BRCA1: variants seen among roughly 807,000 people sequenced by gnomAD.
The protein encoded by BRCA1 is BRCA1 DNA repair associated, also known as breast cancer type 1 susceptibility protein.
A neutral mutation model predicts 173.7 loss-of-function variants in BRCA1; 140 were observed. That is an observed-to-expected ratio of 0.81 (90% CI 0.70 to 0.93). BRCA1 has a LOEUF of 0.93. BRCA1 is among the 40% of genes least tolerant of loss of function. The pLI, the probability that BRCA1 is intolerant of heterozygous loss-of-function variation, is 0.00. For synonymous variants in BRCA1, 662 were observed against 756.0 expected (o/e 0.88, Z 2.04); for missense variants, 1,983 against 2,172.5 (o/e 0.91, Z 1.73).
intron 1 of BRCA1, among the ~76,000 whole-genome samples, chr17:43,135,529 G>T (rs557744855): frequency 3.3e-4 from 50 of 152,310 alleles, no homozygotes; most frequent in Non-Finnish European, 6.8e-4. Context: ...AGAAGTCCAG[G>T]CCTAGTGTAG....
chr17:43,169,987 G>C, intron 1 of BRCA1: 2 of 468,786 alleles, frequency 4.3e-6, no homozygotes, highest in Non-Finnish European at 8.6e-6. Flanking sequence ...GCTTTAATAA[G>C]GGCATTGATC....
At chr17:43,114,530 T>C (rs922711415) in intron 3 of BRCA1, among the ~76,000 whole-genome samples, 5 of 152,020 alleles carry the variant, frequency 3.3e-5, no homozygotes, top group African/African-American at 1.2e-4. Flanking sequence ...AATTTAAATA[T>C]AATTCTAGGA....
At chr17:43,132,190 C>G (rs1429513647) in intron 1 of BRCA1, among the ~76,000 whole-genome samples, 1 of 152,182 alleles carries the variant, frequency 6.6e-6, no homozygotes, top group Non-Finnish European at 1.5e-5. Context: ...GTCACACACT[C>G]TGGGCTCTCT....
intron 13 of BRCA1, among the ~76,000 whole-genome samples, chr17:43,074,939 GAAAGGAAAGA>G (rs2052642146): frequency 6.9e-6 from 1 of 145,750 alleles, no homozygotes; most frequent in South Asian, 2.2e-4. Context: ...GGAAAGGAAA[GAAAGGAAAGA>G]AAAGGAAAGG....
chr17:43,146,059 T>C (rs536560678), intron 1 of BRCA1, among the ~76,000 whole-genome samples: 2 of 152,234 alleles, frequency 1.3e-5, no homozygotes, highest in Non-Finnish European at 2.9e-5. Context: ...ACATCTTTGG[T>C]TGTGGTAGTC....
intron 20 of BRCA1, 118 bp downstream of exon 20, chr17:43,050,945 T>G: frequency 9.9e-7 from 1 of 1,008,608 alleles, no homozygotes; most frequent in Non-Finnish European, 1.5e-6. Context: ...AGAAATAGAA[T>G]AGCCTCTAGA....
intron 11 of BRCA1, among the ~76,000 whole-genome samples, chr17:43,090,359 G>A (rs2053402609): frequency 6.6e-6 from 1 of 151,896 alleles, no homozygotes; most frequent in Admixed American, 6.6e-5. Context: ...TTTTGCTATA[G>A]GGGAAATGAT....
chr17:43,082,385 T>G lies in BRCA1; in HGVS notation c.4357+19A>C, dbSNP rs772281432. The G allele has an allele frequency of 4.3e-6, 7 of 1,611,810 alleles. No individual in the cohort carries two copies. Among genetic ancestry groups the G allele is most frequent in the Non-Finnish European group, 5.9e-6 (7 of 1,178,064 alleles). On this transcript the variant is annotated intron_variant, in intron 12 of 22. Transcript: ENST00000357654. Reference sequence around the variant, plus strand: ...AAGAATTTTGCTTAAGATATCAGTGTTTGGCCAACAATACACACCTTTTTC... The same window carrying G: ...AAGAATTTTGCTTAAGATATCAGTGGTTGGCCAACAATACACACCTTTTTC...
intron 1 of BRCA1, among the ~76,000 whole-genome samples, chr17:43,140,539 T>C (rs141098225): frequency 1.3e-3 from 197 of 152,306 alleles, no homozygotes; most frequent in Non-Finnish European, 2.2e-3. Flanking sequence ...TCTGCCTTTG[T>C]AGTGTCCTGT....
At chr17:43,137,277 TGGGGTGG>T (rs1314224732) in intron 1 of BRCA1, among the ~76,000 whole-genome samples, 1 of 36,374 alleles carries the variant, frequency 2.7e-5, no homozygotes, top group Non-Finnish European at 4.9e-5. Flanking sequence ...GAGCCTATTG[TGGGGTGG>T]GGGGAGGGGG....
At chr17:43,138,679 A>G (rs1203979613) in intron 1 of BRCA1, 4 of 779,124 alleles carry the variant, frequency 5.1e-6, no homozygotes, top group Non-Finnish European at 9.6e-6. Context: ...CAGGAAGCAC[A>G]CATCAAGGCT....
chr17:43,100,248 T>C (rs2054325162), intron 6 of BRCA1, among the ~76,000 whole-genome samples: 1 of 151,984 alleles, frequency 6.6e-6, no homozygotes, highest in African/African-American at 2.4e-5. Flanking sequence ...TTTTCAAACC[T>C]GATTATGTAT....
chr17:43,051,224 A>T, intron 19 of BRCA1, 107 bp from the exon 20 acceptor site: 1 of 1,088,220 alleles, frequency 9.2e-7, no homozygotes, highest in Non-Finnish European at 1.4e-6. Flanking sequence ...AAAAAGGAAG[A>T]GCTTTTCTTT....
chr17:43,139,402 T>C (rs887645467), intron 1 of BRCA1, among the ~76,000 whole-genome samples: 8 of 151,894 alleles, frequency 5.3e-5, no homozygotes, highest in African/African-American at 1.9e-4. Flanking sequence ...CTCGCTCTGT[T>C]GCCCAGGCTA....
chr17:43,069,309 T>C (rs1273679908), intron 15 of BRCA1, among the ~76,000 whole-genome samples: 1 of 152,240 alleles, frequency 6.6e-6, no homozygotes, highest in Admixed American at 6.5e-5. Context: ...GAATTAATCA[T>C]GTGTAATACA....
intron 18 of BRCA1, 87 bp from the exon 19 acceptor site, chr17:43,057,222 C>A (rs1430824750): frequency 7.5e-7 from 1 of 1,342,202 alleles, no homozygotes; most frequent in African/African-American, 1.4e-5. Context: ...ATATTTAAGG[C>A]ATTCAGGCCA....
At chr17:43,133,108 A>G (rs553994819) in intron 1 of BRCA1, 1 of 152,180 alleles carries the variant, frequency 6.6e-6, no homozygotes, top group Admixed American at 6.5e-5. Context: ...TCATCCATAC[A>G]ATGGAGATAA....
intron 1 of BRCA1, chr17:43,124,899 C>T (rs2055798406): frequency 3.2e-6 from 1 of 316,158 alleles, no homozygotes; most frequent in Admixed American, 4.2e-5. Context: ...TGGAGCGGCA[C>T]CACGCCCGGC....
intron 2 of BRCA1, 93 bp downstream of exon 2, chr17:43,123,924 C>T (rs1311232798): frequency 3.0e-6 from 3 of 1,006,752 alleles, no homozygotes; most frequent in Non-Finnish European, 4.7e-6. Context: ...CTAGACATGT[C>T]TTTTCTTCCC....
Sources: gnomAD v4.1 joint callset for allele counts (sites outside exome capture counted in the v4.1 genomes callset) on GRCh38, gnomAD v4.1.1 for gene constraint, MANE v1.5 for transcripts, NCBI Gene and HGNC (gene_info 2026-07-23, HGNC 2026-07-21) for gene names.